The following LRCH1 variants were observed in gnomAD, a reference collection of about 807,000 sequenced individuals.
The protein encoded by LRCH1 is leucine rich repeats and calponin homology domain containing 1, also known as leucine-rich repeat and calponin homology domain-containing protein 1.
Under a neutral mutation model 94.9 loss-of-function variants are expected in LRCH1, and 23 were observed. The observed-to-expected ratio is 0.24, with a 90% CI of 0.17 to 0.34. The LOEUF is 0.34. Ranked by LOEUF, LRCH1 falls within the 10% of genes least tolerant of loss-of-function variation. LRCH1 has a pLI of 1.00. For missense variants in LRCH1, 790 were observed against 945.9 expected (o/e 0.84, Z 2.16); for synonymous variants, 364 against 354.9 (o/e 1.03, Z -0.29).
chr13:46,586,342 C>T (rs1183488618), intron 1 of LRCH1, among the ~76,000 whole-genome samples: 1 of 152,158 alleles, frequency 6.6e-6, no homozygotes, highest in Non-Finnish European at 1.5e-5. Flanking sequence ...GGTTGCCTGT[C>T]ACATGTGGTT....
intron 1 of LRCH1, among the ~76,000 whole-genome samples, chr13:46,564,362 G>T (rs903748400): frequency 6.6e-6 from 1 of 152,204 alleles, no homozygotes; most frequent in African/African-American, 2.4e-5. Flanking sequence ...ATTAATGGTG[G>T]TTTCTTATTG....
chr13:46,645,197 C>G (rs567622955), intron 1 of LRCH1, among the ~76,000 whole-genome samples: 8 of 152,162 alleles, frequency 5.3e-5, no homozygotes, highest in Admixed American at 5.2e-4. Context: ...ATGTTTTTAG[C>G]AAATTGTTAT....
intron 1 of LRCH1, among the ~76,000 whole-genome samples, chr13:46,592,751 T>G (rs1410200499): frequency 6.6e-6 from 1 of 152,224 alleles, no homozygotes; most frequent in Non-Finnish European, 1.5e-5. Context: ...TTCTTTGAGC[T>G]GAAGAATGTT....
At position 46,553,225 on chromosome 13, in the gene LRCH1, C is replaced by CCG; in HGVS notation, c.-171_-170insGC. The CCG allele has an allele frequency of 2.3e-5, 13 of 558,012 alleles. No individual in the cohort carries two copies. Among genetic ancestry groups the CCG allele is most frequent in the East Asian group, 1.0e-4 (3 of 30,052 alleles). The allele number at this position is 558,012 out of a possible 1,614,324, so 34.6% of individuals were successfully genotyped here. A position where few individuals can be genotyped will look rare whatever the true frequency, so the allele number is the denominator to read the frequency against. On this transcript the variant is annotated 5_prime_UTR_variant, in exon 1 of 20. Coordinates refer to ENST00000389797, the MANE Select transcript of LRCH1 (RefSeq NM_001164211.2). Reference sequence around the variant, plus strand: ...CTTCAAGACCGAGCTGCCACGGCCGCCTCCCCGCCCGCCCCCCATTCTACG... The same window carrying CCG: ...CTTCAAGACCGAGCTGCCACGGCCGCCGCTCCCCGCCCGCCCCCCATTCTACG...
At chr13:46,683,002 A>G (rs932254618) in intron 4 of LRCH1, among the ~76,000 whole-genome samples, 1 of 152,194 alleles carries the variant, frequency 6.6e-6, no homozygotes, top group Non-Finnish European at 1.5e-5. Flanking sequence ...GCTTTCTCCA[A>G]AGCATACTCT....
chr13:46,632,899 G>T (rs754933427), intron 1 of LRCH1, among the ~76,000 whole-genome samples: 17 of 152,126 alleles, frequency 1.1e-4, no homozygotes, highest in Non-Finnish European at 1.8e-4. Context: ...TGTTTCTATT[G>T]TAGTTTCTGG....
intron 14 of LRCH1, 129 bp downstream of exon 14, chr13:46,711,973 A>G (rs759206598): frequency 1.6e-6 from 1 of 638,280 alleles, no homozygotes; most frequent in Non-Finnish European, 2.7e-6. Context: ...GAATCCGTCT[A>G]ACTCTCATTA....
chr13:46,648,892 T>C (rs915310374), intron 1 of LRCH1, among the ~76,000 whole-genome samples: 2 of 152,206 alleles, frequency 1.3e-5, no homozygotes, highest in African/African-American at 4.8e-5. Context: ...CTTTTACATA[T>C]CCTTGAAGAT....
At chr13:46,686,541 G>A (rs908487053) in intron 5 of LRCH1, among the ~76,000 whole-genome samples, 6 of 145,318 alleles carry the variant, frequency 4.1e-5, no homozygotes, top group Admixed American at 1.4e-4. Flanking sequence ...GGTTTTAAAG[G>A]GGTTTTGGTT....
chr13:46,704,648 G>T (rs2138186420), intron 11 of LRCH1, among the ~76,000 whole-genome samples: 1 of 152,114 alleles, frequency 6.6e-6, no homozygotes, highest in East Asian at 1.9e-4. Context: ...AATTGCTTAT[G>T]ATTTTTTTAA....
rs397794828 is a variant in LRCH1 at position 46,705,249 on chromosome 13, T to TC, written c.1491-18dup. 3.7e-6 allele frequency: 6 copies of TC among 1,602,526 alleles called. No homozygotes were observed. The African/African-American group carries it at 4.1e-5, about 11-fold the overall frequency. ...AAATTTCACTTTGTATCTTTTTTTTTCTTTCCTTGTTCTCACAGTGGTCAA... is the reference window on the plus strand; with the variant it reads ...AAATTTCACTTTGTATCTTTTTTTTTCCTTTCCTTGTTCTCACAGTGGTCAA... On this transcript the variant is annotated intron_variant, in intron 12 of 19. Transcript: ENST00000389797.
intron 14 of LRCH1, among the ~76,000 whole-genome samples, chr13:46,712,250 A>T (rs1872102253): frequency 6.6e-6 from 1 of 152,210 alleles, no homozygotes; most frequent in Non-Finnish European, 1.5e-5. Context: ...ACCCATGCAC[A>T]CAGCTGTGCA....
Position 46,657,768 on chromosome 13 carries a change from A to G in LRCH1, c.452+7423A>G, listed in dbSNP as rs149756437. Among the ~76,000 whole-genome samples the G allele has an allele frequency of 1.9e-4, 26 of 135,378 alleles. No homozygotes were observed. The East Asian group carries it at 5.2e-3, about 27-fold the overall frequency. 88.8% of individuals were successfully genotyped at this position (135,378 alleles called of 152,430 possible). Reference sequence around the variant, plus strand: ...GGTTTCGAGCTCCTGGGCTCAAGTGATCTGCCCGCCTTGGCCTCCCAAGGT... The same window carrying G: ...GGTTTCGAGCTCCTGGGCTCAAGTGGTCTGCCCGCCTTGGCCTCCCAAGGT... On this transcript the variant is annotated intron_variant, in intron 2 of 19. Transcript: ENST00000389797.
chr13:46,590,133 T>C (rs2137960330), intron 1 of LRCH1, among the ~76,000 whole-genome samples: 1 of 152,294 alleles, frequency 6.6e-6, no homozygotes, highest in Middle Eastern at 3.4e-3. Flanking sequence ...AGTGTCATCT[T>C]CGCAGAGTGA....
intron 1 of LRCH1, among the ~76,000 whole-genome samples, chr13:46,591,031 C>G (rs953900421): frequency 6.6e-6 from 1 of 151,244 alleles, no homozygotes; most frequent in African/African-American, 2.4e-5. Context: ...AATATAGGGA[C>G]TCTCCTTCAT....
chr13:46,653,210 T>A (rs1303223977), intron 2 of LRCH1, among the ~76,000 whole-genome samples: 1 of 152,230 alleles, frequency 6.6e-6, no homozygotes, highest in Admixed American at 6.5e-5. Flanking sequence ...AGTCTGTAAT[T>A]TTTAGCTTCC....
chr13:46,697,228 G>A (rs531641508), intron 9 of LRCH1, among the ~76,000 whole-genome samples: 2 of 152,116 alleles, frequency 1.3e-5, no homozygotes, highest in Admixed American at 6.5e-5. Flanking sequence ...AACTCACTGG[G>A]GAAATAGAGG....
rs575997638 is a variant in LRCH1, at chr13:46,620,102, G to T, written c.308-30099G>T. Among the ~76,000 whole-genome samples the T allele has an allele frequency of 3.9e-4, 60 of 152,156 alleles. 1 individual carries two copies. Among genetic ancestry groups the T allele is most frequent in the Non-Finnish European group, 6.8e-4 (46 of 68,024 alleles). Reference sequence around the variant, plus strand: ...AGTGCATTTACACGTTTCCAAATTTGACAAGTAGGAAAAGGTATAGAGTCC... The same window carrying T: ...AGTGCATTTACACGTTTCCAAATTTTACAAGTAGGAAAAGGTATAGAGTCC... On this transcript the variant is annotated intron_variant, in intron 1 of 19. Transcript: ENST00000389797.
chr13:46,587,719 CT>C (rs1293254638), intron 1 of LRCH1, among the ~76,000 whole-genome samples: 4 of 152,120 alleles, frequency 2.6e-5, no homozygotes, highest in South Asian at 2.1e-4. Context: ...TTAAATGCCC[CT>C]GGTCTGGTTT....
Sources: gnomAD v4.1 joint callset for allele counts (sites outside exome capture counted in the v4.1 genomes callset) on GRCh38, gnomAD v4.1.1 for gene constraint, MANE v1.5 for transcripts, NCBI Gene and HGNC (gene_info 2026-07-23, HGNC 2026-07-21) for gene names.